Variants in BMPR2 observed in about 807,000 individuals in gnomAD.
BMPR2 encodes the protein bone morphogenetic protein receptor type-2.
In BMPR2, 29 loss-of-function variants were observed where a neutral mutation model predicts 100.8. The observed-to-expected ratio is 0.29, with a 90% confidence interval of 0.21 to 0.39. The LOEUF (loss-of-function observed/expected upper bound fraction) is 0.39. BMPR2 is among the 10% of genes least tolerant of loss of function. BMPR2 has a pLI of 1.00. For synonymous variants in BMPR2, 382 were observed against 442.3 expected, an observed-to-expected ratio of 0.86 and a Z score of 1.71; for missense variants, 1,011 against 1,274.5, an observed-to-expected ratio of 0.79 and a Z score of 3.15.
chr2:202,492,206 A>T (rs986177508), intron 3 of BMPR2, among the ~76,000 whole-genome samples: 3 of 152,166 alleles, frequency 2.0e-5, no homozygotes, highest in African/African-American at 7.2e-5. Context: ...AGGAACAGGT[A>T]GGAGCAGGTA....
intron 1 of BMPR2, among the ~76,000 whole-genome samples, chr2:202,453,224 ATTAT>A (rs1692024410): frequency 6.6e-6 from 1 of 151,348 alleles, no homozygotes; most frequent in Non-Finnish European, 1.5e-5. Flanking sequence ...TTTTGAGTAA[ATTAT>A]TTATAGTCCC....
intron 1 of BMPR2, among the ~76,000 whole-genome samples, chr2:202,411,293 T>G (rs1272556413): frequency 6.6e-6 from 1 of 152,200 alleles, no homozygotes; most frequent in Non-Finnish European, 1.5e-5. Flanking sequence ...ATTAATTGGC[T>G]TTTATTAGCA....
At chr2:202,467,769 A>G (rs527780609) in intron 3 of BMPR2, 80 bp downstream of exon 3, 3 of 1,463,810 alleles carry the variant, frequency 2.0e-6, no homozygotes, top group East Asian at 4.6e-5. Context: ...AAAAACATTC[A>G]AGGTTGAAGC....
chr2:202,414,677 T>C (rs983563991), intron 1 of BMPR2, among the ~76,000 whole-genome samples: 2 of 152,238 alleles, frequency 1.3e-5, no homozygotes, highest in Admixed American at 1.3e-4. Flanking sequence ...CTGGATAGAT[T>C]AAACTAACTA....
chr2:202,514,991 G>C lies in BMPR2; in HGVS notation c.621+12G>C. ...TGAAACTGTTGGAGGTAAGTTTGCC[G>C]TTAGATTATGGACTGTTGTTTCTAC... On this transcript the variant is annotated intron_variant, in intron 5 of 12. Coordinates refer to ENST00000374580, the MANE Select transcript of BMPR2 (RefSeq NM_001204.7). 1 of 1,610,300 alleles carries C rather than the reference G, an allele frequency of 6.2e-7. No individual in the cohort carries two copies. The highest frequency in any genetic ancestry group is 8.5e-7 in the Non-Finnish European group (1 of 1,176,610).
chr2:202,464,527 C>T (rs1331868930), intron 1 of BMPR2, among the ~76,000 whole-genome samples: 2 of 151,976 alleles, frequency 1.3e-5, no homozygotes, highest in Non-Finnish European at 2.9e-5. Flanking sequence ...TATTTGGACA[C>T]CAAAATTATT....
chr2:202,534,182 A>G (rs1688080004), intron 9 of BMPR2, among the ~76,000 whole-genome samples: 2 of 148,764 alleles, frequency 1.3e-5, no homozygotes, highest in African/African-American at 5.0e-5. Context: ...GTATATATAT[A>G]TACACACACA....
intron 1 of BMPR2, among the ~76,000 whole-genome samples, chr2:202,432,037 A>T (rs1691516157): frequency 6.6e-6 from 1 of 150,600 alleles, no homozygotes; most frequent in South Asian, 2.1e-4. Context: ...ATGTGTGTGC[A>T]TATGTACAAA....
At chr2:202,407,943 C>A (rs1358349007) in intron 1 of BMPR2, among the ~76,000 whole-genome samples, 5 of 151,442 alleles carry the variant, frequency 3.3e-5, no homozygotes, top group Non-Finnish European at 7.4e-5. Context: ...ACTCCATTCT[C>A]CTGCCTCAGC....
At chr2:202,434,051 G>A (rs1235922945) in intron 1 of BMPR2, among the ~76,000 whole-genome samples, 1 of 150,542 alleles carries the variant, frequency 6.6e-6, no homozygotes, top group South Asian at 2.1e-4. Flanking sequence ...AAACAATAGC[G>A]AACATCACAG....
chr2:202,444,356 A>G (rs968386785), intron 1 of BMPR2, among the ~76,000 whole-genome samples: 1 of 150,770 alleles, frequency 6.6e-6, no homozygotes, highest in African/African-American at 2.5e-5. Context: ...TTTTTATAAG[A>G]AAATTTATTT....
In BMPR2 at chr2:202,503,464, C is replaced by T. The variant is rs1687449531; in HGVS notation, c.419-10255C>T. On this transcript the variant is annotated intron_variant, in intron 3 of 12. Transcript: ENST00000374580. This position sits in a 1 kb window ranked among gnomAD's most constrained non-coding sequence, Gnocchi z 4.0. Reference sequence around the variant, plus strand: ...TCCGGTTGGGCATGGGCTTGGCGGGCCCCGCACTCGGAGCAGCCAGCCCCG... The same window carrying T: ...TCCGGTTGGGCATGGGCTTGGCGGGTCCCGCACTCGGAGCAGCCAGCCCCG... 6.6e-6 allele frequency among the ~76,000 whole-genome samples: 1 copy of T among 152,356 alleles called. No homozygotes were observed. The highest frequency in any genetic ancestry group is 2.1e-4 in the South Asian group (1 of 4,832).
At chr2:202,430,541 G>A (rs929042783) in intron 1 of BMPR2, among the ~76,000 whole-genome samples, 23 of 152,168 alleles carry the variant, frequency 1.5e-4, no homozygotes, top group Admixed American at 1.5e-3. Context: ...GCCTAGAGTA[G>A]GTCTTCTGGA....
intron 9 of BMPR2, among the ~76,000 whole-genome samples, chr2:202,534,852 G>C: frequency 6.7e-6 from 1 of 148,172 alleles, no homozygotes; most frequent in Non-Finnish European, 1.5e-5. Context: ...CAGGCGGGGG[G>C]CTGACCCCCC....
At chr2:202,419,407 AG>A (rs1464374846) in intron 1 of BMPR2, among the ~76,000 whole-genome samples, 1 of 151,796 alleles carries the variant, frequency 6.6e-6, no homozygotes, top group Non-Finnish European at 1.5e-5. Context: ...CTCAGGCTGG[AG>A]TGCAGTGGCA....
rs188667799 is a variant in BMPR2 at position 202,412,800 on chromosome 2, T to A, written c.76+35250T>A. 3.6e-3 allele frequency among the ~76,000 whole-genome samples: 544 copies of A among 152,310 alleles called. 1 individual carries two copies. The highest frequency in any genetic ancestry group is 4.9e-3 in the Non-Finnish European group (335 of 68,026). Reference sequence around the variant, plus strand: ...TTAGACATTTTTTTGTGCAAACTGATTTTCTTATGTTTATACCTATGGTCT... The same window carrying A: ...TTAGACATTTTTTTGTGCAAACTGAATTTCTTATGTTTATACCTATGGTCT... On this transcript the variant is annotated intron_variant, in intron 1 of 12. Transcript: ENST00000374580.
intron 1 of BMPR2, among the ~76,000 whole-genome samples, chr2:202,464,430 T>C (rs1001156110): frequency 2.3e-4 from 35 of 152,200 alleles, no homozygotes; most frequent in Non-Finnish European, 7.3e-5. Flanking sequence ...GTAAGTACTA[T>C]GCAATTTCCA....
intron 1 of BMPR2, among the ~76,000 whole-genome samples, chr2:202,416,742 G>A (rs936065112): frequency 2.6e-5 from 4 of 151,900 alleles, no homozygotes; most frequent in African/African-American, 7.3e-5. Flanking sequence ...GCTTCTTATG[G>A]ATGAGCAAAG....
At chr2:202,443,232 G>T (rs1162082803) in intron 1 of BMPR2, among the ~76,000 whole-genome samples, 1 of 150,708 alleles carries the variant, frequency 6.6e-6, no homozygotes, top group African/African-American at 2.5e-5. Context: ...AGTAGCCCAA[G>T]CTGACTAATA....
Sources: allele counts gnomAD v4.1 joint callset (sites outside exome capture counted in the v4.1 genomes callset), GRCh38; gene constraint gnomAD v4.1.1; non-coding constraint Gnocchi (gnomAD v3.1); transcripts MANE v1.5; gene names NCBI Gene and HGNC (gene_info 2026-07-23, HGNC 2026-07-21).